The following ADCY9 variants were observed in gnomAD, a reference collection of about 807,000 sequenced individuals.
ADCY9 encodes the protein adenylate cyclase 9.
ADCY9 carries 50 observed loss-of-function variants against 101.5 expected under a neutral mutation model. That is an observed-to-expected ratio of 0.49 (90% CI 0.39 to 0.62). ADCY9 has a LOEUF of 0.62. Among genes scored for constraint, ADCY9 ranks in the 20% least tolerant of loss-of-function variants. The pLI is 0.00. For synonymous variants in ADCY9, 905 were observed against 769.3 expected (o/e 1.18, Z -2.92); for missense variants, 1,662 against 1,800.4 (o/e 0.92, Z 1.39).
chr16:3,994,392 T>C (rs184636298), intron 3 of ADCY9, among the ~76,000 whole-genome samples: 41 of 152,310 alleles, frequency 2.7e-4, no homozygotes, highest in Non-Finnish European at 2.6e-4. Context: ...TTGATCACGG[T>C]GATGGTTGCA....
chr16:4,063,069 G>A (rs75502216), intron 2 of ADCY9, among the ~76,000 whole-genome samples: 40 of 152,154 alleles, frequency 2.6e-4, no homozygotes, highest in African/African-American at 8.2e-4. Flanking sequence ...TGTACATATC[G>A]CATTGTCTAG....
chr16:3,981,756 G>C (rs1237667649), intron 7 of ADCY9: 1 of 68,378 alleles, frequency 1.5e-5, no homozygotes, highest in Non-Finnish European at 3.7e-5. Flanking sequence ...ACCAAGAATG[G>C]CTATTTTTTT....
At chr16:4,081,278 G>A (rs1172164162) in intron 2 of ADCY9, among the ~76,000 whole-genome samples, 1 of 152,202 alleles carries the variant, frequency 6.6e-6, no homozygotes, top group Admixed American at 6.5e-5. Flanking sequence ...GGAGAAGGTT[G>A]CACGTTGCTC....
chr16:3,974,189 C>G (rs1327103971), intron 10 of ADCY9, among the ~76,000 whole-genome samples: 1 of 152,140 alleles, frequency 6.6e-6, no homozygotes, highest in African/African-American at 2.4e-5. Context: ...CTACAGGCGC[C>G]CGCCACCATG....
At chr16:4,004,678 T>C (rs1010529036) in intron 3 of ADCY9, among the ~76,000 whole-genome samples, 4 of 152,236 alleles carry the variant, frequency 2.6e-5, no homozygotes, top group Non-Finnish European at 4.4e-5. Context: ...AGTCTCTGAA[T>C]GCAAAGAGCT....
At chr16:3,987,176 T>C (rs2056200315) in intron 6 of ADCY9, among the ~76,000 whole-genome samples, 1 of 152,234 alleles carries the variant, frequency 6.6e-6, no homozygotes, top group Admixed American at 6.5e-5. Flanking sequence ...GCCCCCAGCC[T>C]GGGCTTGGTG....
intron 2 of ADCY9, among the ~76,000 whole-genome samples, chr16:4,023,539 G>C (rs998327206): frequency 2.6e-5 from 4 of 152,196 alleles, no homozygotes; most frequent in Non-Finnish European, 4.4e-5. Flanking sequence ...GGTGGCAACT[G>C]TTCCCGATGC....
intron 2 of ADCY9, among the ~76,000 whole-genome samples, chr16:4,016,605 A>C (rs2056440366): frequency 6.6e-6 from 1 of 152,162 alleles, no homozygotes; most frequent in Admixed American, 6.6e-5. Flanking sequence ...GAAAGAAGAG[A>C]AAGGAAAAAC....
Position 3,965,703 on chromosome 16 carries a change from G to A in ADCY9, c.*72C>T. 4.1e-6 allele frequency: 6 copies of A among 1,448,312 alleles called. No individual in the cohort carries two copies. In the South Asian group the frequency reaches 6.5e-5, roughly 16 times the overall value. The allele number at this position is 1,448,312 out of a possible 1,614,324, so 89.7% of individuals were successfully genotyped here. A position where few individuals can be genotyped will look rare whatever the true frequency, so the allele number is the denominator to read the frequency against. Reference sequence around the variant, plus strand: ...GGAGGGCAACTGTGGCGCTTGGAAAGCACAACAGCCAAATACAAATATTAC... The same window carrying A: ...GGAGGGCAACTGTGGCGCTTGGAAAACACAACAGCCAAATACAAATATTAC... On this transcript the variant is annotated 3_prime_UTR_variant, in exon 11 of 11. Coordinates refer to ENST00000294016, the MANE Select transcript of ADCY9 (RefSeq NM_001116.4).
At chr16:4,005,328 G>C (rs1258644641) in intron 3 of ADCY9, among the ~76,000 whole-genome samples, 1 of 152,190 alleles carries the variant, frequency 6.6e-6, no homozygotes, top group Non-Finnish European at 1.5e-5. Context: ...CTGGGCTCAA[G>C]TGATCCTCTT....
At chr16:4,098,359 G>A (rs563283248) in intron 2 of ADCY9, among the ~76,000 whole-genome samples, 7 of 151,786 alleles carry the variant, frequency 4.6e-5, no homozygotes, top group East Asian at 1.9e-4. Context: ...TCAATTTCCC[G>A]AGTAGCTGGG....
At chr16:4,027,727 A>T (rs1208328257) in intron 2 of ADCY9, among the ~76,000 whole-genome samples, 3 of 152,132 alleles carry the variant, frequency 2.0e-5, no homozygotes, top group Non-Finnish European at 4.4e-5. Flanking sequence ...TAAAACAAAA[A>T]TTAGCTGGGT....
chr16:4,061,431 A>G (rs956060475), intron 2 of ADCY9, among the ~76,000 whole-genome samples: 1 of 152,226 alleles, frequency 6.6e-6, no homozygotes, highest in African/African-American at 2.4e-5. Context: ...AAACTGCTGG[A>G]AGCCAAAAAC....
At position 4,054,087 on chromosome 16, in the gene ADCY9, C is replaced by T. The variant is rs184684001; in HGVS notation, c.1694-46529G>A. On this transcript the variant is annotated intron_variant, in intron 2 of 10. Transcript: ENST00000294016. Reference sequence around the variant, plus strand: ...GCATGTGTCAATTTCTTGACTCGCCCATTCTATTATAGATGGCTCACGAAA... The same window carrying T: ...GCATGTGTCAATTTCTTGACTCGCCTATTCTATTATAGATGGCTCACGAAA... 2.6e-5 allele frequency: 4 copies of T among 152,222 alleles called. 1 individual carries two copies. The East Asian group carries it at 7.7e-4, about 29-fold the overall frequency. The allele number at this position is 152,222 out of a possible 1,614,324, so 9.4% of individuals were successfully genotyped here. A position where few individuals can be genotyped will look rare whatever the true frequency, so the allele number is the denominator to read the frequency against.
At chr16:4,112,864 C>T (rs1449106282) in intron 2 of ADCY9, among the ~76,000 whole-genome samples, 2 of 152,008 alleles carry the variant, frequency 1.3e-5, no homozygotes, top group Admixed American at 6.6e-5. Context: ...CTTTCTTTTT[C>T]GTCCTACTTA....
chr16:4,107,899 C>T (rs1870838359), intron 2 of ADCY9, among the ~76,000 whole-genome samples: 1 of 152,204 alleles, frequency 6.6e-6, no homozygotes, highest in Admixed American at 6.5e-5. Flanking sequence ...CATAGGAACT[C>T]CTCTAAGGCA....
chr16:3,970,052 T>G (rs994756121), intron 10 of ADCY9, among the ~76,000 whole-genome samples: 1 of 152,210 alleles, frequency 6.6e-6, no homozygotes, highest in Non-Finnish European at 1.5e-5. Context: ...GACTGTTCTG[T>G]TCATGTAAAT....
chr16:4,059,103 C>T (rs750050358), intron 2 of ADCY9, among the ~76,000 whole-genome samples: 10 of 151,652 alleles, frequency 6.6e-5, no homozygotes, highest in Admixed American at 2.0e-4. Context: ...GAAGAAAAAC[C>T]GGCCGTGCAC....
intron 2 of ADCY9, among the ~76,000 whole-genome samples, chr16:4,045,353 T>G (rs1256977309): frequency 6.6e-6 from 1 of 151,940 alleles, no homozygotes; most frequent in Admixed American, 6.6e-5. Flanking sequence ...TCCCAGCACT[T>G]TCAGAGGCCA....
Sources: gnomAD v4.1 joint callset for allele counts (sites outside exome capture counted in the v4.1 genomes callset) on GRCh38, gnomAD v4.1.1 for gene constraint, MANE v1.5 for transcripts, NCBI Gene and HGNC (gene_info 2026-07-23, HGNC 2026-07-21) for gene names.